The following SGPP2 variants were observed in gnomAD, a reference collection of about 807,000 sequenced individuals.
SGPP2 encodes the protein sphingosine 1-phosphate phosphohydrolase 2.
SGPP2 carries 30 observed loss-of-function variants against 33.9 expected under a neutral mutation model. The ratio of observed to expected loss-of-function variants is 0.89; its 90% CI spans 0.66 to 1.20. SGPP2 has a LOEUF of 1.20. Among genes scored for constraint, SGPP2 ranks in the 50% most tolerant of loss-of-function variants. SGPP2 has a pLI of 0.00. For missense variants in SGPP2, 458 were observed against 532.1 expected (o/e 0.86, Z 1.37); for synonymous variants, 233 against 225.0 (o/e 1.04, Z -0.32).
intron 1 of SGPP2, among the ~76,000 whole-genome samples, chr2:222,440,844 C>T (rs534830239): frequency 2.6e-5 from 4 of 151,862 alleles, no homozygotes; most frequent in East Asian, 1.9e-4. Flanking sequence ...AGCCTAGCAG[C>T]GCTGGAATCT....
intron 1 of SGPP2, among the ~76,000 whole-genome samples, chr2:222,436,801 A>G (rs892314682): frequency 3.3e-5 from 5 of 152,182 alleles, no homozygotes; most frequent in African/African-American, 1.2e-4. Flanking sequence ...GAGGTCCAAT[A>G]TAATCAACCT....
At chr2:222,512,873 C>T (rs1264508218) in intron 2 of SGPP2, among the ~76,000 whole-genome samples, 2 of 152,122 alleles carry the variant, frequency 1.3e-5, no homozygotes, top group Admixed American at 1.3e-4. Flanking sequence ...TATTCATTTA[C>T]CTACTGAAGG....
At chr2:222,428,916 CA>C (rs1344280924) in intron 1 of SGPP2, among the ~76,000 whole-genome samples, 1 of 150,326 alleles carries the variant, frequency 6.7e-6, no homozygotes, top group Non-Finnish European at 1.5e-5. Context: ...CTCAGCCTCC[CA>C]AGTAGCTGGG....
Position 222,465,518 on chromosome 2 carries a change from G to A in SGPP2, c.220-9050G>A, listed in dbSNP as rs187134591. ...CACAGGTCTCCCTCATGGTAGAAAT[G>A]ATGCCATTTCACCCCAGTGGCTTTT... On this transcript the variant is annotated intron_variant, in intron 1 of 4. Coordinates refer to ENST00000321276, the MANE Select transcript of SGPP2 (RefSeq NM_152386.4). The surrounding 1 kb of genome is among the most constrained non-coding windows in gnomAD (Gnocchi z 4.1). Among the ~76,000 whole-genome samples the A allele has an allele frequency of 6.6e-6, 1 of 152,280 alleles. No homozygotes were observed. The highest frequency in any genetic ancestry group is 1.9e-4 in the East Asian group (1 of 5,178).
At chr2:222,464,830 CA>C (rs1697721687) in intron 1 of SGPP2, among the ~76,000 whole-genome samples, 2 of 152,154 alleles carry the variant, frequency 1.3e-5, no homozygotes, top group Non-Finnish European at 2.9e-5. Flanking sequence ...TTTCTAGTTA[CA>C]AGACCCTTTT....
intron 2 of SGPP2, among the ~76,000 whole-genome samples, chr2:222,512,136 C>A (rs1698538789): frequency 6.6e-6 from 1 of 152,052 alleles, no homozygotes; most frequent in Non-Finnish European, 1.5e-5. Context: ...CTCAGCCTCC[C>A]AAGTAGCTGG....
At chr2:222,481,356 G>T (rs1473559378) in intron 2 of SGPP2, among the ~76,000 whole-genome samples, 1 of 152,122 alleles carries the variant, frequency 6.6e-6, no homozygotes, top group African/African-American at 2.4e-5. Flanking sequence ...GTATTAACTT[G>T]TATGAATTGT....
intron 4 of SGPP2, among the ~76,000 whole-genome samples, chr2:222,536,626 G>A (rs1032771333): frequency 1.3e-5 from 2 of 152,174 alleles, no homozygotes; most frequent in African/African-American, 4.8e-5. Flanking sequence ...GTTGCAGTGA[G>A]CTGAGATCGC....
chr2:222,439,128 G>A (rs1697287717), intron 1 of SGPP2, among the ~76,000 whole-genome samples: 1 of 152,160 alleles, frequency 6.6e-6, no homozygotes, highest in Non-Finnish European at 1.5e-5. Flanking sequence ...CGTCAGCTCA[G>A]AGTCAGTGTC....
At chr2:222,546,843 AG>A (rs71407979) in intron 4 of SGPP2, among the ~76,000 whole-genome samples, 5 of 150,100 alleles carry the variant, frequency 3.3e-5, no homozygotes, top group Non-Finnish European at 7.4e-5. Flanking sequence ...AAAAAAAAAA[AG>A]AACATGCCAG....
chr2:222,486,957 C>G (rs78518959), intron 2 of SGPP2, among the ~76,000 whole-genome samples: 1 of 151,400 alleles, frequency 6.6e-6, no homozygotes. Context: ...TTCTTAAATC[C>G]TACTGTTTGA....
At chr2:222,442,216 CT>C (rs1376454681) in intron 1 of SGPP2, among the ~76,000 whole-genome samples, 1 of 152,122 alleles carries the variant, frequency 6.6e-6, no homozygotes, top group Non-Finnish European at 1.5e-5. Context: ...TGGCATGTAT[CT>C]TCTGTTGTTT....
chr2:222,442,113 C>T (rs968094948), intron 1 of SGPP2, among the ~76,000 whole-genome samples: 2 of 152,146 alleles, frequency 1.3e-5, no homozygotes, highest in African/African-American at 2.4e-5. Flanking sequence ...AAATATCCTT[C>T]CTTGGGCAAA....
intron 1 of SGPP2, among the ~76,000 whole-genome samples, chr2:222,472,281 C>G (rs548983392): frequency 6.6e-6 from 1 of 152,030 alleles, no homozygotes; most frequent in Non-Finnish European, 1.5e-5. Context: ...CAAATAAAAC[C>G]AATTCACTGA....
chr2:222,540,950 T>C (rs1417461194), intron 4 of SGPP2, among the ~76,000 whole-genome samples: 1 of 151,470 alleles, frequency 6.6e-6, no homozygotes, highest in Non-Finnish European at 1.5e-5. Flanking sequence ...CCCAAGTAGC[T>C]GGGACTACAG....
At chr2:222,456,879 G>T (rs962068528) in intron 1 of SGPP2, among the ~76,000 whole-genome samples, 4 of 152,180 alleles carry the variant, frequency 2.6e-5, no homozygotes, top group African/African-American at 9.7e-5. Flanking sequence ...CTTGTGGGTT[G>T]CATGTGACAA....
chr2:222,449,470 A>ATTTTT (rs11390234), intron 1 of SGPP2, among the ~76,000 whole-genome samples: 1 of 141,196 alleles, frequency 7.1e-6, no homozygotes, highest in Non-Finnish European at 1.5e-5. Context: ...AGGTCAGCCA[A>ATTTTT]TTTTTTTTTT....
intron 1 of SGPP2, chr2:222,453,092 G>T: frequency 9.9e-7 from 1 of 1,007,524 alleles, no homozygotes; most frequent in Non-Finnish European, 1.6e-6. Context: ...TTGCCTTTGG[G>T]ACTGGTAGGA....
rs551038942 is a variant in SGPP2, at chr2:222,447,112, G to A, written c.219+22291G>A. ...TCCTCCATGTTTTGCCTGTTGGCTT[G>A]TTGCCTCATATGCTAAGATAGCTGC... On this transcript the variant is annotated intron_variant, in intron 1 of 4. Transcript: ENST00000321276. 3.9e-4 allele frequency among the ~76,000 whole-genome samples: 60 copies of A among 152,316 alleles called. No homozygotes were observed. In the South Asian group the frequency reaches 0.011, roughly 27 times the overall value.
Sources: allele counts gnomAD v4.1 joint callset (sites outside exome capture counted in the v4.1 genomes callset), GRCh38; gene constraint gnomAD v4.1.1; non-coding constraint Gnocchi (gnomAD v3.1); transcripts MANE v1.5; gene names NCBI Gene and HGNC (gene_info 2026-07-23, HGNC 2026-07-21).